The following LONP2 variants were observed in gnomAD, a reference collection of about 807,000 sequenced individuals.
LONP2 encodes lon protease homolog 2, peroxisomal.
Under a neutral mutation model 85.6 loss-of-function variants are expected in LONP2, and 60 were observed. That is an observed-to-expected ratio of 0.70 (90% CI 0.57 to 0.87). The LOEUF (loss-of-function observed/expected upper bound fraction) is 0.87, where lower values mean the gene tolerates loss of function less well. Among genes scored for constraint, LONP2 ranks in the 40% least tolerant of loss-of-function variants. LONP2 has a pLI of 0.00. For synonymous variants in LONP2, 395 were observed against 389.7 expected (o/e 1.01, Z -0.16); for missense variants, 860 against 1,063.5 (o/e 0.81, Z 2.66).
rs141120785 is a variant in LONP2 at position 48,268,290 on chromosome 16, T to G, written c.983-1726T>G. Among the ~76,000 whole-genome samples the G allele has an allele frequency of 5.9e-5, 9 of 152,330 alleles. No homozygotes were observed. In the East Asian group the frequency reaches 1.7e-3, roughly 29 times the overall value. On this transcript the variant is annotated intron_variant, in intron 6 of 14. Coordinates refer to ENST00000285737, the MANE Select transcript of LONP2 (RefSeq NM_031490.5). ...TTAAAATTGTCTTTACTTGGCATATTTCTTGCAAGAAATTTCTTCACAGTG... is the reference window on the plus strand; with the variant it reads ...TTAAAATTGTCTTTACTTGGCATATGTCTTGCAAGAAATTTCTTCACAGTG...
intron 3 of LONP2, among the ~76,000 whole-genome samples, chr16:48,258,008 A>G (rs1224951978): frequency 1.3e-5 from 2 of 152,258 alleles, no homozygotes; most frequent in Admixed American, 6.5e-5. Flanking sequence ...AGTAATTCCC[A>G]GAAAGAGTTG....
chr16:48,280,490 C>T (rs993527319), intron 8 of LONP2, among the ~76,000 whole-genome samples: 1 of 152,122 alleles, frequency 6.6e-6, no homozygotes, highest in African/African-American at 2.4e-5. Flanking sequence ...TTAAATTGAT[C>T]TTTGATAACA....
downstream of LONP2, chr16:48,360,988 TAAAC>T (rs1286350538): frequency 2.0e-5 from 3 of 152,018 alleles, no homozygotes; most frequent in Non-Finnish European, 2.9e-5. Flanking sequence ...TTTTTTACCA[TAAAC>T]AAATATGCAT....
At chr16:48,297,395 C>T (rs1417107520) in intron 9 of LONP2, among the ~76,000 whole-genome samples, 2 of 152,156 alleles carry the variant, frequency 1.3e-5, no homozygotes, top group African/African-American at 2.4e-5. Flanking sequence ...ACTGCAACCT[C>T]TGCCTCCTGG....
chr16:48,271,598 A>G (rs1972107293), intron 7 of LONP2, among the ~76,000 whole-genome samples: 1 of 152,162 alleles, frequency 6.6e-6, no homozygotes, highest in Non-Finnish European at 1.5e-5. Context: ...AAGTATCATT[A>G]CTGGCCTTGT....
chr16:48,288,105 G>GTAGTAATA (rs1972485516), intron 8 of LONP2, among the ~76,000 whole-genome samples: 1 of 150,482 alleles, frequency 6.6e-6, no homozygotes, highest in South Asian at 2.1e-4. Context: ...GTCTGCACCA[G>GTAGTAATA]TAGTAATATA....
chr16:48,245,360 G>A (rs780694280), intron 1 of LONP2, among the ~76,000 whole-genome samples: 11 of 152,176 alleles, frequency 7.2e-5, no homozygotes, highest in Admixed American at 6.5e-5. Context: ...TTGGGTGAGA[G>A]CTTTAACCTC....
intron 7 of LONP2, among the ~76,000 whole-genome samples, chr16:48,272,616 A>G (rs1251199393): frequency 6.6e-6 from 1 of 152,194 alleles, no homozygotes; most frequent in Non-Finnish European, 1.5e-5. Flanking sequence ...TTAGAAACGT[A>G]TATATGGAGG....
At chr16:48,261,669 C>A in intron 5 of LONP2, 82 bp downstream of exon 5, 1 of 1,042,570 alleles carries the variant, frequency 9.6e-7, no homozygotes, top group Non-Finnish European at 1.4e-6. Flanking sequence ...CTCTTTTCTC[C>A]AATACTGAGG....
chr16:48,344,222 C>T (rs1353978359), intron 12 of LONP2: 2 of 152,110 alleles, frequency 1.3e-5, no homozygotes, highest in East Asian at 1.9e-4. Flanking sequence ...GGGAGAAATA[C>T]GTGGAAACCA....
intron 12 of LONP2, among the ~76,000 whole-genome samples, chr16:48,343,073 C>T (rs576554239): frequency 1.3e-5 from 2 of 152,342 alleles, no homozygotes; most frequent in East Asian, 3.9e-4. Context: ...GGACGCTTGC[C>T]TCTTCAGAGC....
chr16:48,314,961 T>G (rs973353811), intron 11 of LONP2, among the ~76,000 whole-genome samples: 1 of 152,216 alleles, frequency 6.6e-6, no homozygotes, highest in African/African-American at 2.4e-5. Context: ...TTTTACTTCT[T>G]CCTTTCCAAC....
At chr16:48,334,105 A>G in intron 11 of LONP2, 111 bp from the exon 12 acceptor site, 1 of 909,424 alleles carries the variant, frequency 1.1e-6, no homozygotes, top group African/African-American at 1.7e-5. Context: ...AAATGCATAA[A>G]AGTGACTGAA....
At chr16:48,296,590 G>A (rs959109436) in intron 9 of LONP2, among the ~76,000 whole-genome samples, 12 of 152,184 alleles carry the variant, frequency 7.9e-5, no homozygotes, top group African/African-American at 2.6e-4. Context: ...AGCCTGGCAT[G>A]GTGGCGGGCG....
At chr16:48,304,524 T>G (rs1276591723) in intron 11 of LONP2, among the ~76,000 whole-genome samples, 1 of 151,934 alleles carries the variant, frequency 6.6e-6, no homozygotes, top group Non-Finnish European at 1.5e-5. Flanking sequence ...GCCAACACGG[T>G]GAAACCCCGT....
At chr16:48,343,178 G>A (rs1959865249) in intron 12 of LONP2, among the ~76,000 whole-genome samples, 1 of 152,148 alleles carries the variant, frequency 6.6e-6, no homozygotes, top group Admixed American at 6.5e-5. Context: ...CTGTAACAGA[G>A]CCTGCATCAG....
At position 48,328,322 on chromosome 16, in the gene LONP2, A is replaced by T. The variant is rs562156264; in HGVS notation, c.1796-5894A>T. On this transcript the variant is annotated intron_variant, in intron 11 of 14. Transcript: ENST00000285737. ...GCACTTTGAGAGGCTGTGGCGGGTG[A>T]ATCACGATATCAGGAGTTCGAGACT... 7.7e-3 allele frequency among the ~76,000 whole-genome samples: 1,006 copies of T among 130,574 alleles called. 13 individuals are homozygous for T. Among genetic ancestry groups the T allele is most frequent in the African/African-American group, 0.028 (956 of 34,706 alleles). 85.7% of individuals were successfully genotyped at this position (130,574 alleles called of 152,430 possible).
At chr16:48,278,657 C>T (rs1972264456) in intron 8 of LONP2, among the ~76,000 whole-genome samples, 1 of 152,168 alleles carries the variant, frequency 6.6e-6, no homozygotes, top group African/African-American at 2.4e-5. Flanking sequence ...CATTCAGTTC[C>T]TATCCTTGCA....
chr16:48,245,926 T>G (rs74016324), intron 1 of LONP2, among the ~76,000 whole-genome samples: 1,879 of 152,210 alleles, frequency 0.012, 41 homozygotes, highest in African/African-American at 0.043. Context: ...GGTGTTGTGT[T>G]TTCAGTTTAG....
Sources: allele counts gnomAD v4.1 joint callset (sites outside exome capture counted in the v4.1 genomes callset), GRCh38; gene constraint gnomAD v4.1.1; transcripts MANE v1.5; gene names NCBI Gene and HGNC (gene_info 2026-07-23, HGNC 2026-07-21).